Variants in TTL observed in about 807,000 individuals in gnomAD.
TTL encodes the protein tubulin tyrosine ligase.
TTL carries 10 observed loss-of-function variants against 41.1 expected under a neutral mutation model. The observed-to-expected ratio is 0.24, with a 90% CI of 0.15 to 0.41. TTL has a LOEUF of 0.41. TTL is among the 10% of genes least tolerant of loss of function. The pLI, the probability that TTL is intolerant of heterozygous loss-of-function variation, is 1.00. For synonymous variants in TTL, 175 were observed against 175.5 expected, an observed-to-expected ratio of 1.00 and a Z score of 0.02; for missense variants, 367 against 460.4, an observed-to-expected ratio of 0.80 and a Z score of 1.86.
intron 5 of TTL, among the ~76,000 whole-genome samples, chr2:112,519,021 C>G (rs1479326540): frequency 2.0e-5 from 3 of 152,084 alleles, no homozygotes; most frequent in Non-Finnish European, 4.4e-5. Flanking sequence ...TGTAGAAGGA[C>G]AGTTATCTCT....
rs35977243 is a variant in TTL, at chr2:112,518,331, AT to A, written c.876-1939del. ...AAGGATATTCTTGTGTAGAACAGGG[AT>A]TTTTTTTTTTTAATGTGATGTGTGC... On this transcript the variant is annotated intron_variant, in intron 5 of 6. Coordinates refer to ENST00000233336, the MANE Select transcript of TTL (RefSeq NM_153712.5). Among the ~76,000 whole-genome samples, 524 of 145,724 alleles carry A rather than the reference AT, an allele frequency of 3.6e-3. 4 individuals are homozygous for A. The highest frequency in any genetic ancestry group is 0.012 in the Admixed American group (171 of 14,512).
chr2:112,501,379 T>G (rs1323288794), intron 4 of TTL, 38 bp downstream of exon 4: 1 of 1,516,014 alleles, frequency 6.6e-7, no homozygotes, highest in South Asian at 1.2e-5. Flanking sequence ...TTTTTATTCA[T>G]CTGAAAAAAC....
chr2:112,501,117 G>C (rs1574060971), intron 3 of TTL, 89 bp from the exon 4 acceptor site: 1 of 1,363,028 alleles, frequency 7.3e-7, no homozygotes, highest in East Asian at 2.5e-5. Context: ...CCTCTTGTGG[G>C]GTTTTTGCTG....
At chr2:112,490,384 C>T (rs1681350028) in intron 2 of TTL, among the ~76,000 whole-genome samples, 1 of 151,952 alleles carries the variant, frequency 6.6e-6, no homozygotes, top group Non-Finnish European at 1.5e-5. Flanking sequence ...TGCCGCTGCA[C>T]TCCAGCCTGG....
intron 6 of TTL, chr2:112,521,075 AG>A (rs1382738165): frequency 3.3e-6 from 2 of 597,124 alleles, no homozygotes; most frequent in Non-Finnish European, 4.2e-6. Flanking sequence ...TGAGGCAGGA[AG>A]GAGTCAGAGA....
rs1348635174 is a variant in TTL, at chr2:112,482,528, C to G, written c.157+27C>G. 9 of 1,574,682 alleles carry G rather than the reference C, an allele frequency of 5.7e-6. No homozygotes were observed. Among genetic ancestry groups the G allele is most frequent in the Non-Finnish European group, 7.8e-6 (9 of 1,158,450 alleles). ...TGAGCCCCTCCCCGATTCCCGTCTG[C>G]CCTCCTCGGAGCGGCCCTGCGCGCC... On this transcript the variant is annotated intron_variant, in intron 1 of 6. Transcript: ENST00000233336. This position sits in a 1 kb window ranked among gnomAD's most constrained non-coding sequence, Gnocchi z 5.3.
chr2:112,520,369 C>G lies in TTL; in HGVS notation c.963C>G (p.Val321=), dbSNP rs144678474. Residue 321 remains valine, a synonymous_variant, in exon 6 of 7, where the codon GTC becomes GTG. Coordinates refer to ENST00000233336, the MANE Select transcript of TTL (RefSeq NM_153712.5). The stretch of plus-strand genomic sequence containing the variant: ...AGCTCTTCGGCTTTGACTTCATGGT[C>G]GATGAGGAGCTGAAGGTGTGGCTCA... The part of the protein sequence containing the change: ...SFQLFGFDFM[V]DEELKVWLIE... The G allele has an allele frequency of 4.3e-6, 7 of 1,614,128 alleles. No homozygotes were observed. Among genetic ancestry groups the G allele is most frequent in the South Asian group, 1.1e-5 (1 of 91,086 alleles).
At chr2:112,517,687 A>AT (rs1682107880) in intron 5 of TTL, among the ~76,000 whole-genome samples, 1 of 150,884 alleles carries the variant, frequency 6.6e-6, no homozygotes, top group Non-Finnish European at 1.5e-5. Flanking sequence ...TCATGCCTCT[A>AT]ATCCCAGCAC....
At position 112,482,293 on chromosome 2, in the gene TTL, C is replaced by T; in HGVS notation, c.-52C>T. The T allele has an allele frequency of 7.6e-6, 10 of 1,322,086 alleles. No homozygotes were observed. The South Asian group carries it at 1.3e-4, about 17-fold the overall frequency. The allele number at this position is 1,322,086 out of a possible 1,614,324, so 81.9% of individuals were successfully genotyped here. ...GTCCGCGCTGAGCCGCCTTCTCGGC[C>T]GCCTGGTCCCTGCGGCGGCTGCCCG... On this transcript the variant is annotated 5_prime_UTR_variant, in exon 1 of 7. Transcript: ENST00000233336. This position sits in a 1 kb window ranked among gnomAD's most constrained non-coding sequence, Gnocchi z 5.3.
intron 5 of TTL, among the ~76,000 whole-genome samples, chr2:112,511,197 C>T (rs1251977375): frequency 6.6e-6 from 1 of 151,742 alleles, no homozygotes; most frequent in Non-Finnish European, 1.5e-5. Context: ...TTTGTAGAGA[C>T]AGGGTTTTGC....
In TTL at chr2:112,529,030, G is replaced by A. The variant is rs1301689330; in HGVS notation, c.*235G>A. The stretch of plus-strand genomic sequence containing the variant: ...GTTGAGACTTTTGAAAACAACTTTG[G>A]TACACAAAGGCAGCTTTGTGAGCAG... On this transcript the variant is annotated 3_prime_UTR_variant, in exon 7 of 7. Coordinates refer to ENST00000233336, the MANE Select transcript of TTL (RefSeq NM_153712.5). 2 of 555,372 alleles carry A rather than the reference G, an allele frequency of 3.6e-6. No homozygotes were observed. Among genetic ancestry groups the A allele is most frequent in the African/African-American group, 1.9e-5 (1 of 53,032 alleles). 34.4% of individuals were successfully genotyped at this position (555,372 alleles called of 1,614,324 possible).
At chr2:112,495,398 A>G (rs948559094) in intron 3 of TTL, among the ~76,000 whole-genome samples, 1 of 152,160 alleles carries the variant, frequency 6.6e-6, no homozygotes, top group African/African-American at 2.4e-5. Context: ...TCATCCTTGT[A>G]CCTTCCTCAT....
At chr2:112,503,515 C>G (rs1681756742) in intron 5 of TTL, among the ~76,000 whole-genome samples, 1 of 149,952 alleles carries the variant, frequency 6.7e-6, no homozygotes, top group Non-Finnish European at 1.5e-5. Context: ...CTCACCACAA[C>G]CTCTACCTCC....
chr2:112,538,278 TTAA>T lies in TTL; in HGVS notation c.*9486_*9488del, dbSNP rs2104487951. On this transcript the variant is annotated 3_prime_UTR_variant, in exon 7 of 7. Transcript: ENST00000233336. ...TGTCCTCAACTTTATGAGGTCACTC[TTAA>T]TACCCTGATACCAAAACCAGACAAA... 1 of 152,168 alleles carries T rather than the reference TTAA, an allele frequency of 6.6e-6. No individual in the cohort carries two copies. The highest frequency in any genetic ancestry group is 1.9e-4 in the East Asian group (1 of 5,196). The allele number at this position is 152,168 out of a possible 1,614,324, so 9.4% of individuals were successfully genotyped here. A position where few individuals can be genotyped will look rare whatever the true frequency, so the allele number is the denominator to read the frequency against.
chr2:112,497,632 G>A (rs1351410274), intron 3 of TTL, among the ~76,000 whole-genome samples: 3 of 151,842 alleles, frequency 2.0e-5, no homozygotes, highest in Admixed American at 1.3e-4. Flanking sequence ...TGTAGGGGAA[G>A]AGAATAAGGG....
chr2:112,503,331 G>C, intron 5 of TTL, 150 bp downstream of exon 5: 1 of 626,982 alleles, frequency 1.6e-6, no homozygotes, highest in Non-Finnish European at 2.7e-6. Flanking sequence ...AATGTCTGCA[G>C]GTTCTGTAAT....
rs192533507 is a variant in TTL, at chr2:112,531,934, C to T, written c.*3139C>T. ...ATTAAGGGTATTAATTATTGAAAGT[C>T]CCTTTCCCCAAAACTCAACTCCTAT... On this transcript the variant is annotated 3_prime_UTR_variant, in exon 7 of 7. Coordinates refer to ENST00000233336, the MANE Select transcript of TTL (RefSeq NM_153712.5). 3.3e-4 allele frequency: 74 copies of T among 224,720 alleles called. 1 individual carries two copies. The Admixed American group carries it at 3.4e-3, about 10-fold the overall frequency. 13.9% of individuals were successfully genotyped at this position (224,720 alleles called of 1,614,324 possible). A position where few individuals can be genotyped will look rare whatever the true frequency, so the allele number is the denominator to read the frequency against.
intron 2 of TTL, among the ~76,000 whole-genome samples, chr2:112,486,492 C>A (rs550253449): frequency 1.3e-5 from 2 of 152,196 alleles, no homozygotes; most frequent in East Asian, 3.8e-4. Context: ...GGGCTGGTCC[C>A]CAGAGAAGGG....
intron 2 of TTL, among the ~76,000 whole-genome samples, chr2:112,492,965 AAT>A (rs1681430142): frequency 6.6e-6 from 1 of 152,188 alleles, no homozygotes; most frequent in African/African-American, 2.4e-5. Flanking sequence ...CTACATTTCA[AAT>A]GCTCAGTAGC....
Sources: allele counts gnomAD v4.1 joint callset (sites outside exome capture counted in the v4.1 genomes callset), GRCh38; gene constraint gnomAD v4.1.1; non-coding constraint Gnocchi (gnomAD v3.1); transcripts MANE v1.5; gene names NCBI Gene and HGNC (gene_info 2026-07-23, HGNC 2026-07-21).